Variants in PLS3 observed in about 807,000 individuals in gnomAD.
PLS3 encodes plastin 3.
A neutral mutation model predicts 46.5 loss-of-function variants in PLS3; 11 were observed. The ratio of observed to expected loss-of-function variants is 0.24; its 90% CI spans 0.15 to 0.39. The LOEUF (loss-of-function observed/expected upper bound fraction) is 0.39, where lower values mean the gene tolerates loss of function less well. Ranked by LOEUF, PLS3 falls within the 10% of genes least tolerant of loss-of-function variation. The pLI, the probability that PLS3 is intolerant of heterozygous loss-of-function variation, is 1.00. For synonymous variants in PLS3, 167 were observed against 162.2 expected (o/e 1.03, Z -0.22); for missense variants, 308 against 461.8 (o/e 0.67, Z 3.05).
At chrX:115,649,379 G>A in intron 15 of PLS3, 50 bp from the exon 16 acceptor site, 2 of 1,094,430 alleles carry the variant, frequency 1.8e-6, no homozygotes, top group Non-Finnish European at 2.5e-6. Flanking sequence ...CTTACGTGGT[G>A]TCCTTAACTG....
At chrX:115,616,783 T>C (rs1342491843) in intron 2 of PLS3, among the ~76,000 whole-genome samples, 1 of 111,967 alleles carries the variant, frequency 8.9e-6, no homozygotes, top group Non-Finnish European at 1.9e-5. Context: ...ATTTTTAGGC[T>C]CCCTCTGCCT....
chrX:115,581,591 G>A lies in PLS3; in HGVS notation c.-9+20331G>A, dbSNP rs782268782. 2.5e-4 allele frequency among the ~76,000 whole-genome samples: 28 copies of A among 111,939 alleles called. 1 individual carries two copies. The South Asian group carries it at 0.01, about 40-fold the overall frequency. ...TGTTGGTTTTGGGTGAGGGAAAATT[G>A]AATGAGATCATGCTTTCTTTCTGTC... is the stretch of plus-strand genomic sequence containing the variant. On this transcript the variant is annotated intron_variant, in intron 1 of 15. Transcript: ENST00000355899.
intron 8 of PLS3, chrX:115,639,799 G>A (rs1556640763): frequency 2.6e-6 from 1 of 384,287 alleles, no homozygotes; most frequent in Non-Finnish European, 4.9e-6. Context: ...TTATGTATTG[G>A]GATTCTAAGA....
intron 10 of PLS3, among the ~76,000 whole-genome samples, chrX:115,644,210 C>G (rs1278302005): frequency 2.7e-5 from 3 of 110,774 alleles, no homozygotes; most frequent in African/African-American, 6.6e-5. Context: ...CCTCAAGAAA[C>G]AAATGATAAT....
chrX:115,593,721 G>A (rs1410643578), intron 1 of PLS3: 2 of 111,454 alleles, frequency 1.8e-5, no homozygotes, highest in East Asian at 2.8e-4. Context: ...AGGAATTTAC[G>A]TCAAAAAGCT....
intron 1 of PLS3, among the ~76,000 whole-genome samples, chrX:115,598,263 A>C (rs2074408439): frequency 9.3e-6 from 1 of 107,128 alleles, no homozygotes; most frequent in African/African-American, 3.4e-5. Context: ...ACTGCACTCC[A>C]GCCTGGGCGA....
chrX:115,609,723 T>G lies in PLS3; in HGVS notation c.-8-520T>G, dbSNP rs192967357. Among the ~76,000 whole-genome samples, 4 of 112,658 alleles carry G rather than the reference T, an allele frequency of 3.6e-5. No individual in the cohort carries two copies. In the Admixed American group the frequency reaches 3.8e-4, roughly 11 times the overall value. Reference sequence around the variant, plus strand: ...ATAAGAATGTGTATATTAGCACACATGTGCATTTTTATATCAAAACCAGCT... The same window carrying G: ...ATAAGAATGTGTATATTAGCACACAGGTGCATTTTTATATCAAAACCAGCT... On this transcript the variant is annotated intron_variant, in intron 1 of 15. Coordinates refer to ENST00000355899, the MANE Select transcript of PLS3 (RefSeq NM_005032.7).
chrX:115,639,505 T>C (rs1380892301), intron 8 of PLS3, among the ~76,000 whole-genome samples: 1 of 111,630 alleles, frequency 9.0e-6, no homozygotes, highest in Non-Finnish European at 1.9e-5. Flanking sequence ...AGTATGCACA[T>C]AGACTATGAG....
chrX:115,613,421 C>CA (rs199570619), intron 2 of PLS3, among the ~76,000 whole-genome samples: 207 of 107,522 alleles, frequency 1.9e-3, no homozygotes, highest in Middle Eastern at 4.8e-3. Flanking sequence ...GATGATGCCA[C>CA]AAAAAAAAAC....
intron 3 of PLS3, among the ~76,000 whole-genome samples, chrX:115,623,084 G>A (rs868959862): frequency 1.8e-5 from 2 of 111,637 alleles, no homozygotes; most frequent in Middle Eastern, 4.6e-3. Flanking sequence ...TGTATACATG[G>A]CACATGGTTC....
intron 1 of PLS3, among the ~76,000 whole-genome samples, chrX:115,566,533 C>T (rs2147408139): frequency 9.1e-6 from 1 of 109,930 alleles, no homozygotes; most frequent in Non-Finnish European, 1.9e-5. Flanking sequence ...GGACTACAGG[C>T]GCCCGCCACT....
At chrX:115,624,012 G>C (rs782675264) in intron 3 of PLS3, among the ~76,000 whole-genome samples, 1 of 111,233 alleles carries the variant, frequency 9.0e-6, no homozygotes. Flanking sequence ...GGTGGATCAC[G>C]AGCTCAGAAG....
chrX:115,645,921 C>G (rs782772358), intron 11 of PLS3, 151 bp from the exon 12 acceptor site: 1 of 455,343 alleles, frequency 2.2e-6, no homozygotes, highest in South Asian at 3.4e-5. Context: ...GGTCTTAGCT[C>G]TGTTTTCAGC....
chrX:115,633,558 G>A (rs1227023453), intron 5 of PLS3, among the ~76,000 whole-genome samples: 1 of 110,532 alleles, frequency 9.0e-6, no homozygotes, highest in Non-Finnish European at 1.9e-5. Context: ...TGGTGTGATC[G>A]TAGCTCACTC....
intron 1 of PLS3, among the ~76,000 whole-genome samples, chrX:115,584,388 G>A (rs2074295731): frequency 8.9e-6 from 1 of 111,815 alleles, no homozygotes; most frequent in Non-Finnish European, 1.9e-5. Flanking sequence ...AAACAGTAGA[G>A]CAATTTAAAA....
chrX:115,577,979 C>T (rs1400337998), intron 1 of PLS3, among the ~76,000 whole-genome samples: 1 of 111,924 alleles, frequency 8.9e-6, no homozygotes, highest in African/African-American at 3.2e-5. Context: ...AGACAAAAAT[C>T]ACCGTCTTTA....
intron 1 of PLS3, among the ~76,000 whole-genome samples, chrX:115,586,225 T>C (rs1556632429): frequency 9.3e-6 from 1 of 107,514 alleles, no homozygotes. Context: ...CCTCAGGTGA[T>C]CCACCTGCCT....
intron 1 of PLS3, among the ~76,000 whole-genome samples, chrX:115,583,552 A>T (rs116498743): frequency 0.028 from 3,194 of 112,696 alleles, 121 homozygotes; most frequent in African/African-American, 0.098. Flanking sequence ...ATGCAAATAT[A>T]TCTGAAATTC....
At chrX:115,569,980 A>G (rs995815837) in intron 1 of PLS3, among the ~76,000 whole-genome samples, 2 of 111,633 alleles carry the variant, frequency 1.8e-5, no homozygotes, top group Non-Finnish European at 3.8e-5. Context: ...CTTGTCGCCC[A>G]GGCTGGAGTA....
Sources: gnomAD v4.1 joint callset for allele counts (sites outside exome capture counted in the v4.1 genomes callset) on GRCh38, gnomAD v4.1.1 for gene constraint, MANE v1.5 for transcripts, NCBI Gene and HGNC (gene_info 2026-07-23, HGNC 2026-07-21) for gene names.